The following TBC1D7 variants were observed in gnomAD, a reference collection of about 807,000 sequenced individuals.
The protein encoded by TBC1D7 is TBC1 domain family member 7.
A neutral mutation model predicts 35.3 loss-of-function variants in TBC1D7; 33 were observed. The ratio of observed to expected loss-of-function variants is 0.93; its 90% CI spans 0.71 to 1.25. TBC1D7 has a LOEUF of 1.25. TBC1D7 is among the 50% of genes most tolerant of loss of function. TBC1D7 has a pLI of 0.00. For missense variants in TBC1D7, 362 were observed against 365.3 expected (o/e 0.99, Z 0.07); for synonymous variants, 135 against 129.5 (o/e 1.04, Z -0.29).
intron 3 of TBC1D7, among the ~76,000 whole-genome samples, chr6:13,324,250 T>C (rs914376826): frequency 5.9e-5 from 9 of 151,892 alleles, no homozygotes; most frequent in African/African-American, 2.2e-4. Context: ...TCCTCAGCCT[T>C]CCAGGTAGCT....
At chr6:13,320,106 T>G (rs1484102331) in intron 4 of TBC1D7, 1 of 152,244 alleles carries the variant, frequency 6.6e-6, no homozygotes. Flanking sequence ...AGGGGCTTTC[T>G]TCAAAGCATC....
Position 13,307,624 on chromosome 6 carries a change from C to T in TBC1D7, c.641G>A (p.Cys214Tyr), listed in dbSNP as rs890274232. 6.2e-7 allele frequency: 1 copy of T among 1,614,178 alleles called. No homozygotes were observed. The highest frequency in any genetic ancestry group is 1.3e-5 in the African/African-American group (1 of 75,060). Residue 214 changes from cysteine (C) to tyrosine (Y), a missense_variant, in exon 6 of 8, where the codon TGT becomes TAT. Cys to Tyr is a radical substitution (Grantham distance 194). Transcript: ENST00000379300. ...DLWFKRCFAG[C>Y]LPESSLQRVW... ...CCTCTGTAAACTGGATTCAGGCAAA[C>T]ATCCCGCAAAGCACCTCTTGAACCA... is the stretch of plus-strand genomic sequence containing the variant.
At chr6:13,314,333 G>T (rs1392852368) in intron 5 of TBC1D7, among the ~76,000 whole-genome samples, 1 of 152,212 alleles carries the variant, frequency 6.6e-6, no homozygotes, top group Non-Finnish European at 1.5e-5. Flanking sequence ...GCAGGGATGG[G>T]GGGTGGTTAG....
intron 6 of TBC1D7, 163 bp downstream of exon 6, chr6:13,307,437 G>A (rs2127521849): frequency 1.4e-6 from 1 of 699,930 alleles, no homozygotes; most frequent in East Asian, 2.5e-5. Flanking sequence ...GTATATTCAA[G>A]AATAAGCAGA....
chr6:13,316,381 A>G (rs1246644612), intron 5 of TBC1D7, among the ~76,000 whole-genome samples, 190 bp downstream of exon 5: 1 of 152,200 alleles, frequency 6.6e-6, no homozygotes, highest in Admixed American at 6.5e-5. Context: ...GAGTGGTTAC[A>G]ATAGAGACCA....
At chr6:13,312,626 A>C (rs1783301790) in intron 5 of TBC1D7, among the ~76,000 whole-genome samples, 1 of 150,350 alleles carries the variant, frequency 6.7e-6, no homozygotes. Flanking sequence ...CAAGAGGCAG[A>C]GGTTGCAGTG....
chr6:13,316,464 A>G (rs746299875), intron 5 of TBC1D7, 107 bp downstream of exon 5: 6 of 1,211,748 alleles, frequency 5.0e-6, no homozygotes, highest in African/African-American at 3.1e-5. Context: ...TTCTACTATA[A>G]AGGGTTATTC....
At chr6:13,322,848 C>A (rs941128340) in intron 3 of TBC1D7, among the ~76,000 whole-genome samples, 4 of 152,218 alleles carry the variant, frequency 2.6e-5, no homozygotes, top group African/African-American at 9.7e-5. Context: ...CTGCTAGAGG[C>A]AGCACATTAA....
chr6:13,312,039 A>G (rs188941174), intron 5 of TBC1D7, among the ~76,000 whole-genome samples: 5 of 152,254 alleles, frequency 3.3e-5, no homozygotes, highest in Admixed American at 2.0e-4. Flanking sequence ...CCGTGGAAAA[A>G]GGATGAACTG....
intron 5 of TBC1D7, among the ~76,000 whole-genome samples, chr6:13,309,663 A>T (rs2496140): frequency 0.3 from 46,362 of 152,048 alleles, 7,364 homozygotes; most frequent in South Asian, 0.46. Flanking sequence ...CCCAATGATA[A>T]CTACTGGTAA....
At chr6:13,323,702 G>A (rs1461406773) in intron 3 of TBC1D7, 2 of 152,268 alleles carry the variant, frequency 1.3e-5, no homozygotes, top group African/African-American at 4.8e-5. Flanking sequence ...TCATTCTGCA[G>A]GCCTTCCTAG....
Position 13,328,380 on chromosome 6 carries a change from C to T in TBC1D7, c.-93G>A, listed in dbSNP as rs1260753481. 6.5e-6 allele frequency: 1 copy of T among 153,084 alleles called. No individual in the cohort carries two copies. The highest frequency in any genetic ancestry group is 6.5e-5 in the Admixed American group (1 of 15,290). The allele number at this position is 153,084 out of a possible 1,614,324, so 9.5% of individuals were successfully genotyped here. A position where few individuals can be genotyped will look rare whatever the true frequency, so the allele number is the denominator to read the frequency against. The stretch of plus-strand genomic sequence containing the variant: ...CCGTGCCCTGTGCGCTGACCGACCG[C>T]CGGGCAGGCGGGCACCGTTGGGGCC... On this transcript the variant is annotated 5_prime_UTR_variant, in exon 1 of 8. Transcript: ENST00000379300.
Position 13,323,495 on chromosome 6 carries a change from C to T in TBC1D7, c.193+1599G>A, listed in dbSNP as rs530261217. 1.4e-4 allele frequency among the ~76,000 whole-genome samples: 21 copies of T among 152,310 alleles called. No homozygotes were observed. In the East Asian group the frequency reaches 2.9e-3, roughly 21 times the overall value. The stretch of plus-strand genomic sequence containing the variant: ...TCCACTGCAGTTATTAATAGACACA[C>T]AGCACCTCCCATAAATCGACACTGT... On this transcript the variant is annotated intron_variant, in intron 3 of 7. Coordinates refer to ENST00000379300, the MANE Select transcript of TBC1D7 (RefSeq NM_016495.6).
chr6:13,326,325 T>C (rs1784402889), intron 2 of TBC1D7, among the ~76,000 whole-genome samples: 1 of 152,004 alleles, frequency 6.6e-6, no homozygotes, highest in Non-Finnish European at 1.5e-5. Flanking sequence ...TAGCCAGGCA[T>C]GGTGGCACAT....
intron 3 of TBC1D7, among the ~76,000 whole-genome samples, chr6:13,324,363 C>T (rs200236777): frequency 1.4e-4 from 22 of 152,122 alleles, no homozygotes; most frequent in African/African-American, 5.1e-4. Context: ...CTCCTGACTG[C>T]GTGATCTGCC....
At chr6:13,326,708 A>T (rs1784428497) in intron 2 of TBC1D7, 79 bp downstream of exon 2, 1 of 822,146 alleles carries the variant, frequency 1.2e-6, no homozygotes, top group Non-Finnish European at 1.9e-6. Context: ...ATGCTTCTGG[A>T]TGTCTTTTAA....
At chr6:13,315,805 G>C (rs542868523) in intron 5 of TBC1D7, among the ~76,000 whole-genome samples, 1 of 152,334 alleles carries the variant, frequency 6.6e-6, no homozygotes, top group African/African-American at 2.4e-5. Flanking sequence ...GTCAACAGTA[G>C]GTTATTAGTA....
chr6:13,327,742 T>C (rs1478269753), intron 1 of TBC1D7: 2 of 152,182 alleles, frequency 1.3e-5, no homozygotes, highest in African/African-American at 4.8e-5. Flanking sequence ...ATACTGGCGG[T>C]AATTCATCCA....
At chr6:13,317,651 T>C (rs150486301) in intron 4 of TBC1D7, among the ~76,000 whole-genome samples, 3 of 152,310 alleles carry the variant, frequency 2.0e-5, no homozygotes, top group East Asian at 3.9e-4. Context: ...GGAAAATAAG[T>C]AGGAAGAAAA....
Sources: allele counts gnomAD v4.1 joint callset (sites outside exome capture counted in the v4.1 genomes callset), GRCh38; gene constraint gnomAD v4.1.1; transcripts MANE v1.5; gene names NCBI Gene and HGNC (gene_info 2026-07-23, HGNC 2026-07-21).